The following SLC25A12 variants were observed in gnomAD, a reference collection of about 807,000 sequenced individuals.
SLC25A12 encodes the protein solute carrier family 25 member 12.
A neutral mutation model predicts 83.3 loss-of-function variants in SLC25A12; 32 were observed. The ratio of observed to expected loss-of-function variants is 0.38; its 90% CI spans 0.29 to 0.52. The LOEUF (loss-of-function observed/expected upper bound fraction) is 0.52, where lower values mean the gene tolerates loss of function less well. Among genes scored for constraint, SLC25A12 ranks in the 20% least tolerant of loss-of-function variants. The pLI is 0.84. For synonymous variants in SLC25A12, 267 were observed against 291.1 expected, an observed-to-expected ratio of 0.92 and a Z score of 0.84; for missense variants, 611 against 835.6, an observed-to-expected ratio of 0.73 and a Z score of 3.31.
chr2:171,866,843 G>A (rs1685330548), intron 3 of SLC25A12, among the ~76,000 whole-genome samples: 1 of 150,770 alleles, frequency 6.6e-6, no homozygotes, highest in African/African-American at 2.4e-5. Context: ...GGACGGGGTG[G>A]CTGCCGGGCG....
chr2:171,838,174 T>C (rs796549001), intron 5 of SLC25A12, among the ~76,000 whole-genome samples: 4 of 152,178 alleles, frequency 2.6e-5, no homozygotes, highest in African/African-American at 9.6e-5. Context: ...ATACATATTA[T>C]TTAAAGATTA....
At chr2:171,791,391 G>C in intron 15 of SLC25A12, 60 bp downstream of exon 15, 1 of 1,358,442 alleles carries the variant, frequency 7.4e-7, no homozygotes, top group Non-Finnish European at 1.1e-6. Context: ...AGTACATAGA[G>C]ATTCTGTACT....
At chr2:171,838,823 G>A (rs1482828063) in intron 5 of SLC25A12, among the ~76,000 whole-genome samples, 1 of 152,196 alleles carries the variant, frequency 6.6e-6, no homozygotes, top group Non-Finnish European at 1.5e-5. Context: ...AGGCAGGGTG[G>A]AGGGTATAGA....
chr2:171,800,323 T>A (rs1683684972), intron 13 of SLC25A12, among the ~76,000 whole-genome samples: 1 of 149,428 alleles, frequency 6.7e-6, no homozygotes, highest in Non-Finnish European at 1.5e-5. Flanking sequence ...AACAGATACT[T>A]CACACACACA....
intron 9 of SLC25A12, among the ~76,000 whole-genome samples, chr2:171,816,425 T>C (rs1257742998): frequency 6.6e-6 from 1 of 152,150 alleles, no homozygotes; most frequent in Non-Finnish European, 1.5e-5. Context: ...ATGTCCCTTA[T>C]CTAAAATAGT....
chr2:171,888,276 AT>A (rs1193948050), intron 2 of SLC25A12, among the ~76,000 whole-genome samples: 2 of 151,202 alleles, frequency 1.3e-5, no homozygotes. Context: ...ATATACATAT[AT>A]TTGTAGCCAT....
intron 2 of SLC25A12, among the ~76,000 whole-genome samples, chr2:171,878,349 T>C (rs1685615191): frequency 2.0e-5 from 3 of 152,224 alleles, no homozygotes; most frequent in African/African-American, 2.4e-5. Flanking sequence ...AAATGACACC[T>C]TGAACACCAA....
At chr2:171,858,199 T>C (rs534901825) in intron 3 of SLC25A12, among the ~76,000 whole-genome samples, 1 of 152,300 alleles carries the variant, frequency 6.6e-6, no homozygotes, top group South Asian at 2.1e-4. Flanking sequence ...TGGTCTTCAA[T>C]GAAGTATTTT....
chr2:171,852,766 T>C (rs779731643), intron 4 of SLC25A12: 9 of 394,386 alleles, frequency 2.3e-5, no homozygotes, highest in African/African-American at 4.1e-5. Context: ...AAATAAGCAG[T>C]GCCTAGAAAT....
Position 171,868,673 on chromosome 2 carries a change from A to G in SLC25A12, c.209+8T>C. 1.2e-6 allele frequency: 2 copies of G among 1,613,220 alleles called. No homozygotes were observed. The highest frequency in any genetic ancestry group is 1.7e-6 in the Non-Finnish European group (2 of 1,179,200). On this transcript the variant is annotated splice_region_variant and intron_variant, in intron 3 of 17. Transcript: ENST00000422440. ...ATTAGTTTTCAGAAAATGCATGAAG[A>G]TACTTACCCATCCTTGGTTTGATCA...
intron 4 of SLC25A12, chr2:171,845,633 G>C (rs1456136222): frequency 4.9e-6 from 1 of 205,480 alleles, no homozygotes; most frequent in African/African-American, 2.3e-5. Context: ...TGGTTTAATG[G>C]ATTCCCTTTA....
chr2:171,880,021 T>G (rs1477183251), intron 2 of SLC25A12, among the ~76,000 whole-genome samples: 1 of 152,144 alleles, frequency 6.6e-6, no homozygotes, highest in Non-Finnish European at 1.5e-5. Context: ...GTGTTATGAT[T>G]TGGTTAGTTT....
intron 2 of SLC25A12, among the ~76,000 whole-genome samples, chr2:171,884,670 G>A (rs934312449): frequency 6.6e-6 from 1 of 151,798 alleles, no homozygotes; most frequent in African/African-American, 2.4e-5. Flanking sequence ...AGCTACTCAG[G>A]AGGCTGAGGC....
At chr2:171,831,290 G>C (rs1207851754) in intron 8 of SLC25A12, among the ~76,000 whole-genome samples, 1 of 152,158 alleles carries the variant, frequency 6.6e-6, no homozygotes, top group Non-Finnish European at 1.5e-5. Flanking sequence ...GGAACCCCAA[G>C]AACTGTAGGC....
chr2:171,812,639 G>C (rs896094551), intron 11 of SLC25A12, among the ~76,000 whole-genome samples: 1 of 151,974 alleles, frequency 6.6e-6, no homozygotes. Flanking sequence ...GGAAAATTCT[G>C]CATGGGGCGC....
intron 2 of SLC25A12, among the ~76,000 whole-genome samples, chr2:171,881,608 G>C (rs1339687306): frequency 6.6e-6 from 1 of 152,186 alleles, no homozygotes. Flanking sequence ...GTAGAGCTCA[G>C]GAAGGACTTC....
At chr2:171,869,290 A>T (rs945448323) in intron 2 of SLC25A12, among the ~76,000 whole-genome samples, 2 of 152,244 alleles carry the variant, frequency 1.3e-5, no homozygotes, top group Admixed American at 6.5e-5. Context: ...ATACTTTTTT[A>T]AAAAACACTG....
chr2:171,852,734 C>T, intron 4 of SLC25A12: 1 of 450,414 alleles, frequency 2.2e-6, no homozygotes, highest in South Asian at 1.6e-5. Context: ...TGCATAAATT[C>T]TGTAGTCTTG....
intron 9 of SLC25A12, among the ~76,000 whole-genome samples, chr2:171,821,017 CTTTTTTTTTTTTTTT>C (rs869070730): frequency 6.2e-5 from 3 of 48,636 alleles, no homozygotes; most frequent in South Asian, 1.5e-3. Flanking sequence ...TATAAACATT[CTTTTTTTTTTTTTTT>C]TTTTTTTTTT....
Sources: gnomAD v4.1 joint callset for allele counts (sites outside exome capture counted in the v4.1 genomes callset) on GRCh38, gnomAD v4.1.1 for gene constraint, MANE v1.5 for transcripts, NCBI Gene and HGNC (gene_info 2026-07-23, HGNC 2026-07-21) for gene names.